The following MRPL45 variants were observed in gnomAD, a reference collection of about 807,000 sequenced individuals.
MRPL45 encodes the protein mitochondrial ribosomal protein L45.
MRPL45 carries 20 observed loss-of-function variants against 38.1 expected under a neutral mutation model. That is an observed-to-expected ratio of 0.53 (90% CI 0.37 to 0.76). MRPL45 has a LOEUF of 0.76. MRPL45 is among the 30% of genes least tolerant of loss of function. The probability of loss-of-function intolerance (pLI) is 0.00; values close to 1 mark genes in which losing one functional copy is unlikely to be tolerated. For missense variants in MRPL45, 337 were observed against 395.6 expected (o/e 0.85, Z 1.26); for synonymous variants, 105 against 128.8 (o/e 0.82, Z 1.25).
At chr17:38,318,794 G>A (rs1025733793) in intron 5 of MRPL45, 59 bp downstream of exon 5, 19 of 1,167,360 alleles carry the variant, frequency 1.6e-5, no homozygotes, top group Admixed American at 1.1e-4. Context: ...TCTAGATGGC[G>A]TCTCTGGTTT....
At chr17:38,321,332 A>G (rs893663121) in intron 6 of MRPL45, among the ~76,000 whole-genome samples, 1 of 152,192 alleles carries the variant, frequency 6.6e-6, no homozygotes, top group African/African-American at 2.4e-5. Context: ...TTGTAAGAAT[A>G]AAGTGTCAGT....
intron 5 of MRPL45, among the ~76,000 whole-genome samples, chr17:38,319,777 A>G (rs900379344): frequency 6.6e-6 from 1 of 152,166 alleles, no homozygotes; most frequent in East Asian, 1.9e-4. Context: ...CCCCAAGGAT[A>G]AGAACTTTGT....
At chr17:38,319,999 A>G (rs1389714448) in intron 5 of MRPL45, among the ~76,000 whole-genome samples, 1 of 152,218 alleles carries the variant, frequency 6.6e-6, no homozygotes, top group Non-Finnish European at 1.5e-5. Context: ...GCTACTCGGG[A>G]AGCTGAGGCA....
intron 3 of MRPL45, among the ~76,000 whole-genome samples, chr17:38,305,856 T>C (rs2144211538): frequency 6.6e-6 from 1 of 152,006 alleles, no homozygotes; most frequent in African/African-American, 2.4e-5. Flanking sequence ...TTGGCTAGGC[T>C]GGTCTCAAAC....
At chr17:38,314,941 A>T (rs1184352703) in intron 4 of MRPL45, among the ~76,000 whole-genome samples, 2 of 152,170 alleles carry the variant, frequency 1.3e-5, no homozygotes, top group Admixed American at 1.3e-4. Flanking sequence ...CTCTGCTCCT[A>T]TATGTCTCTC....
At chr17:38,309,142 T>A (rs1172558113) in intron 4 of MRPL45, among the ~76,000 whole-genome samples, 1 of 150,948 alleles carries the variant, frequency 6.6e-6, no homozygotes, top group Non-Finnish European at 1.5e-5. Flanking sequence ...CCTGACCTTG[T>A]GATCTGCCCA....
intron 3 of MRPL45, among the ~76,000 whole-genome samples, chr17:38,301,644 T>C (rs1435847866): frequency 6.6e-6 from 1 of 152,234 alleles, no homozygotes; most frequent in African/African-American, 2.4e-5. Context: ...TGTACTGCAA[T>C]GTTTCCTCTC....
chr17:38,318,490 T>G (rs1262182741), intron 4 of MRPL45, among the ~76,000 whole-genome samples, 197 bp from the exon 5 acceptor site: 1 of 151,710 alleles, frequency 6.6e-6, no homozygotes, highest in African/African-American at 2.4e-5. Flanking sequence ...CTACTAGATC[T>G]TAGGGTTTTC....
chr17:38,319,959 C>T (rs1345269797), intron 5 of MRPL45, among the ~76,000 whole-genome samples: 3 of 152,186 alleles, frequency 2.0e-5, no homozygotes, highest in African/African-American at 2.4e-5. Flanking sequence ...AAAAATTAGC[C>T]GGGCGTGGTG....
chr17:38,322,572 G>A lies in MRPL45; in HGVS notation c.898G>A (p.Ala300Thr), dbSNP rs370336712. ...EEEYEEAQGE[A>T]QKPQLA Reference sequence around the variant, plus strand: ...AGAATATGAAGAGGCACAAGGAGAGGCCCAGAAGCCTCAGCTAGCCTGATG... The same window carrying A: ...AGAATATGAAGAGGCACAAGGAGAGACCCAGAAGCCTCAGCTAGCCTGATG... Residue 300 changes from alanine to threonine, a missense_variant, in exon 8 of 8, where the codon GCC becomes ACC. This residue lies in a region of MRPL45 where 251 missense variants were observed against 269.1 expected (regional missense o/e 0.93). Coordinates refer to ENST00000613675, the MANE Select transcript of MRPL45 (RefSeq NM_032351.6). The A allele has an allele frequency of 1.2e-6, 2 of 1,613,110 alleles. No individual in the cohort carries two copies. The highest frequency in any genetic ancestry group is 1.3e-5 in the African/African-American group (1 of 74,900).
chr17:38,302,691 G>A (rs2037010769), intron 3 of MRPL45, among the ~76,000 whole-genome samples: 1 of 151,544 alleles, frequency 6.6e-6, no homozygotes, highest in Admixed American at 6.6e-5. Context: ...TCTTTATTCT[G>A]TTGATATGAT....
intron 4 of MRPL45, among the ~76,000 whole-genome samples, chr17:38,313,485 A>G (rs547635023): frequency 4.6e-4 from 67 of 146,566 alleles, no homozygotes; most frequent in African/African-American, 1.5e-3. Flanking sequence ...GCCTCCCAAA[A>G]TGCTAGGACT....
intron 4 of MRPL45, among the ~76,000 whole-genome samples, chr17:38,316,411 CT>C (rs1446340490): frequency 6.6e-6 from 1 of 152,088 alleles, no homozygotes; most frequent in East Asian, 1.9e-4. Context: ...TTCATTACTT[CT>C]TTGTCCATGG....
chr17:38,322,742 C>A lies in MRPL45; in HGVS notation c.*147C>A. The A allele has an allele frequency of 1.6e-6, 1 of 631,764 alleles. No individual in the cohort carries two copies. The highest frequency in any genetic ancestry group is 2.7e-6 in the Non-Finnish European group (1 of 365,566). 39.1% of individuals were successfully genotyped at this position (631,764 alleles called of 1,614,324 possible). A position where few individuals can be genotyped will look rare whatever the true frequency, so the allele number is the denominator to read the frequency against. On this transcript the variant is annotated 3_prime_UTR_variant, in exon 8 of 8. Transcript: ENST00000613675. Reference sequence around the variant, plus strand: ...TTTCAGCAGTCTCATCATCAGCAACCATGACTGATGACTGGGCCCTAGCAG... The same window carrying A: ...TTTCAGCAGTCTCATCATCAGCAACAATGACTGATGACTGGGCCCTAGCAG...
At chr17:38,301,189 T>G (rs2144202305) in intron 3 of MRPL45, among the ~76,000 whole-genome samples, 2 of 152,290 alleles carry the variant, frequency 1.3e-5, no homozygotes, top group East Asian at 3.9e-4. Flanking sequence ...CATTCCTCTT[T>G]GTCTTTGCAC....
chr17:38,321,662 G>C (rs1351127766), intron 6 of MRPL45, among the ~76,000 whole-genome samples: 1 of 151,842 alleles, frequency 6.6e-6, no homozygotes, highest in Non-Finnish European at 1.5e-5. Context: ...CTGCACTCCA[G>C]CCTGGGCAAC....
chr17:38,305,674 G>A (rs202018107), intron 3 of MRPL45, among the ~76,000 whole-genome samples: 4 of 142,648 alleles, frequency 2.8e-5, no homozygotes, highest in East Asian at 2.2e-4. Context: ...ATGGAGTCTC[G>A]CTCTGTGACC....
chr17:38,314,174 G>A (rs1270288564), intron 4 of MRPL45, among the ~76,000 whole-genome samples: 2 of 151,800 alleles, frequency 1.3e-5, no homozygotes, highest in East Asian at 1.9e-4. Context: ...GCGTGATCTC[G>A]GCTCACCGCA....
chr17:38,306,410 GAAAAA>G (rs59525728), intron 3 of MRPL45, 118 bp from the exon 4 acceptor site: 1 of 859,046 alleles, frequency 1.2e-6, no homozygotes, highest in African/African-American at 1.8e-5. Flanking sequence ...CTCAAAAAAA[GAAAAA>G]AAAAAAAAAG....
Sources: allele counts gnomAD v4.1 joint callset (sites outside exome capture counted in the v4.1 genomes callset), GRCh38; gene constraint gnomAD v4.1.1; regional missense constraint gnomAD v4.1.1; transcripts MANE v1.5; gene names NCBI Gene and HGNC (gene_info 2026-07-23, HGNC 2026-07-21).